The following TFDP2 variants were observed in gnomAD, a reference collection of about 807,000 sequenced individuals.
The protein encoded by TFDP2 is transcription factor Dp-2 (E2F dimerization partner 2).
Under a neutral mutation model 59.3 loss-of-function variants are expected in TFDP2, and 17 were observed. The observed-to-expected ratio is 0.29, with a 90% CI of 0.20 to 0.43. TFDP2 has a LOEUF of 0.43. TFDP2 is among the 20% of genes least tolerant of loss of function. The pLI, the probability that TFDP2 is intolerant of heterozygous loss-of-function variation, is 1.00. For synonymous variants in TFDP2, 180 were observed against 194.7 expected (o/e 0.92, Z 0.63); for missense variants, 391 against 528.8 (o/e 0.74, Z 2.56).
chr3:141,958,141 C>T (rs544358458), intron 11 of TFDP2, among the ~76,000 whole-genome samples: 3 of 152,194 alleles, frequency 2.0e-5, no homozygotes, highest in Non-Finnish European at 4.4e-5. Flanking sequence ...TCTGACCTAA[C>T]AAGTTCAATC....
At chr3:142,027,356 T>TCTC (rs1157133759) in intron 3 of TFDP2, among the ~76,000 whole-genome samples, 1 of 152,122 alleles carries the variant, frequency 6.6e-6, no homozygotes, top group African/African-American at 2.4e-5. Flanking sequence ...TGACCTCCTC[T>TCTC]CTCCATTCCA....
intron 3 of TFDP2, among the ~76,000 whole-genome samples, chr3:142,088,223 C>A (rs1292175617): frequency 2.0e-5 from 3 of 152,216 alleles, no homozygotes; most frequent in African/African-American, 7.2e-5. Context: ...TCATTTCTTG[C>A]CACAAAACAA....
At chr3:142,001,880 T>C (rs1943801327) in intron 4 of TFDP2, among the ~76,000 whole-genome samples, 1 of 152,164 alleles carries the variant, frequency 6.6e-6, no homozygotes, top group Non-Finnish European at 1.5e-5. Flanking sequence ...AGTTCTTTTA[T>C]TTTTTTGAGA....
chr3:142,127,457 C>T (rs1260796203), intron 1 of TFDP2, among the ~76,000 whole-genome samples: 1 of 151,758 alleles, frequency 6.6e-6, no homozygotes. Context: ...CAGGCGTGCA[C>T]CACTAGGCCC....
Position 142,110,330 on chromosome 3 carries a change from CCT to C in TFDP2, c.-92-8491_-92-8490del, listed in dbSNP as rs1422911966. Among the ~76,000 whole-genome samples, 10 of 152,028 alleles carry C rather than the reference CCT, an allele frequency of 6.6e-5. No individual in the cohort carries two copies. The South Asian group carries it at 1.9e-3, about 28-fold the overall frequency. ...ACCAGCCTGGTCAACACGATGAAAC[CCT>C]GTCTCTACTAAAAATACAAAAATTA... is the stretch of plus-strand genomic sequence containing the variant. On this transcript the variant is annotated intron_variant, in intron 1 of 12. Coordinates refer to ENST00000489671, the MANE Select transcript of TFDP2 (RefSeq NM_001178139.2).
intron 1 of TFDP2, among the ~76,000 whole-genome samples, chr3:142,145,204 TAAGTA>T (rs1288680684): frequency 6.6e-6 from 1 of 152,190 alleles, no homozygotes; most frequent in Non-Finnish European, 1.5e-5. Context: ...CTAACTACTC[TAAGTA>T]AACCTTCAAC....
intron 1 of TFDP2, among the ~76,000 whole-genome samples, chr3:142,130,878 C>A (rs1182001788): frequency 6.6e-6 from 1 of 151,770 alleles, no homozygotes; most frequent in Non-Finnish European, 1.5e-5. Context: ...ATGGTGAAAC[C>A]TCATCTCTAC....
intron 3 of TFDP2, among the ~76,000 whole-genome samples, chr3:142,020,492 G>A (rs2108351565): frequency 6.6e-6 from 1 of 151,330 alleles, no homozygotes; most frequent in East Asian, 2.0e-4. Context: ...CCGAGATGGT[G>A]CCATTGCACT....
At chr3:142,088,816 G>A (rs369141678) in intron 3 of TFDP2, among the ~76,000 whole-genome samples, 4 of 150,206 alleles carry the variant, frequency 2.7e-5, no homozygotes, top group Admixed American at 6.6e-5. Context: ...AAAAGTAGTC[G>A]ACCTCCTGGA....
Position 141,995,047 on chromosome 3 carries a change from A to C in TFDP2, c.281T>G (p.Ile94Arg), listed in dbSNP as rs763315613. The C allele has an allele frequency of 1.2e-6, 2 of 1,608,108 alleles. No homozygotes were observed. Among genetic ancestry groups the C allele is most frequent in the South Asian group, 2.2e-5 (2 of 89,642 alleles). The stretch of plus-strand genomic sequence containing the variant: ...AGGGACCCAGCCAGTAGCTTCTGCT[A>C]TGTGTGTCTGAGTAACCATTGCTGG... ...PAPAMVTQTH[I>R]AEATGWVPGD... Residue 94 changes from isoleucine to arginine, a missense_variant, in exon 5 of 13, where the codon ATA becomes AGA. Physicochemically the swap from Ile to Arg is moderately conservative, Grantham distance 97. Coordinates refer to ENST00000489671, the MANE Select transcript of TFDP2 (RefSeq NM_001178139.2).
At chr3:141,997,815 A>C (rs1461623293) in intron 4 of TFDP2, among the ~76,000 whole-genome samples, 5 of 135,548 alleles carry the variant, frequency 3.7e-5, no homozygotes, top group African/African-American at 1.4e-4. Flanking sequence ...ATGCCACTGC[A>C]CTCCAGCCTG....
intron 1 of TFDP2, among the ~76,000 whole-genome samples, chr3:142,109,574 C>G (rs1274747498): frequency 6.6e-6 from 1 of 152,184 alleles, no homozygotes; most frequent in Admixed American, 6.5e-5. Context: ...GTGATCCGCC[C>G]GCCTCGGCCT....
chr3:142,004,129 T>C (rs11569189), intron 4 of TFDP2, among the ~76,000 whole-genome samples: 7,513 of 152,268 alleles, frequency 0.049, 330 homozygotes, highest in East Asian at 0.15. Flanking sequence ...TGAGCTACCT[T>C]GAAATGAGGG....
chr3:141,964,107 T>C, intron 9 of TFDP2, 144 bp from the exon 10 acceptor site: 5 of 704,242 alleles, frequency 7.1e-6, no homozygotes, highest in Non-Finnish European at 1.1e-5. Flanking sequence ...ATTTAAAAAA[T>C]TAAACATTTA....
At chr3:141,992,553 C>T (rs1942886278) in intron 6 of TFDP2, among the ~76,000 whole-genome samples, 1 of 152,114 alleles carries the variant, frequency 6.6e-6, no homozygotes, top group Admixed American at 6.5e-5. Context: ...AGGATAAACA[C>T]CAGTAAAGAC....
intron 3 of TFDP2, among the ~76,000 whole-genome samples, chr3:142,019,910 T>C (rs1467925055): frequency 6.6e-6 from 1 of 152,232 alleles, no homozygotes; most frequent in Non-Finnish European, 1.5e-5. Context: ...GTTTCATTCA[T>C]GATTAACAGT....
At chr3:142,112,184 C>T (rs367549225) in intron 1 of TFDP2, among the ~76,000 whole-genome samples, 74 of 152,300 alleles carry the variant, frequency 4.9e-4, no homozygotes, top group African/African-American at 1.8e-3. Context: ...AAATTATTTG[C>T]ATTCTAATTC....
chr3:142,072,530 C>T (rs1191886195), intron 3 of TFDP2, among the ~76,000 whole-genome samples: 2 of 152,144 alleles, frequency 1.3e-5, no homozygotes, highest in African/African-American at 2.4e-5. Context: ...TAACATTCTC[C>T]AAGACAAGGA....
At chr3:141,968,294 TAATA>T (rs1267814643) in intron 9 of TFDP2, among the ~76,000 whole-genome samples, 3 of 121,136 alleles carry the variant, frequency 2.5e-5, no homozygotes, top group African/African-American at 7.3e-5. Flanking sequence ...ACAATATATA[TAATA>T]TATAATATAT....
Sources: allele counts gnomAD v4.1 joint callset (sites outside exome capture counted in the v4.1 genomes callset), GRCh38; gene constraint gnomAD v4.1.1; transcripts MANE v1.5; gene names NCBI Gene and HGNC (gene_info 2026-07-23, HGNC 2026-07-21).